Variants in PCBP3 observed in about 807,000 individuals in gnomAD.
PCBP3 encodes the protein poly(rC) binding protein 3.
PCBP3 carries 25 observed loss-of-function variants against 52.7 expected under a neutral mutation model. The observed-to-expected ratio is 0.47, with a 90% CI of 0.35 to 0.66. The LOEUF is 0.66. Ranked by LOEUF, PCBP3 falls within the 30% of genes least tolerant of loss-of-function variation. PCBP3 has a pLI of 0.01. For missense variants in PCBP3, 391 were observed against 490.3 expected (o/e 0.80, Z 1.91); for synonymous variants, 162 against 183.0 (o/e 0.89, Z 0.93).
chr21:45,768,633 AG>A (rs2145735647), intron 4 of PCBP3, among the ~76,000 whole-genome samples: 1 of 152,336 alleles, frequency 6.6e-6, no homozygotes, highest in African/African-American at 2.4e-5. Flanking sequence ...TGTTGAGCAA[AG>A]GAAACACTGA....
chr21:45,795,613 C>T (rs2091886347), intron 4 of PCBP3, among the ~76,000 whole-genome samples: 1 of 152,026 alleles, frequency 6.6e-6, no homozygotes, highest in African/African-American at 2.4e-5. Context: ...AAGCAATTCT[C>T]AGAAGAAAAT....
chr21:45,676,696 G>A (rs922270698), intron 2 of PCBP3, among the ~76,000 whole-genome samples: 3 of 152,026 alleles, frequency 2.0e-5, no homozygotes, highest in Non-Finnish European at 4.4e-5. Flanking sequence ...TATTGAAATT[G>A]GGCCAATTAA....
intron 2 of PCBP3, among the ~76,000 whole-genome samples, chr21:45,700,501 C>G (rs1603285885): frequency 1.3e-5 from 2 of 152,150 alleles, no homozygotes; most frequent in East Asian, 3.9e-4. Context: ...CACAGCACCC[C>G]CTGTACTGTG....
chr21:45,872,078 TC>T (rs1302650291), intron 5 of PCBP3: 1 of 152,130 alleles, frequency 6.6e-6, no homozygotes, highest in African/African-American at 2.4e-5. Context: ...TCCAACATGC[TC>T]CGCCTGGGCA....
Position 45,917,850 on chromosome 21 carries a change from C to T in PCBP3, c.717+221C>T, listed in dbSNP as rs989027013. The T allele has an allele frequency of 1.7e-5, 10 of 583,324 alleles. No homozygotes were observed. Among genetic ancestry groups the T allele is most frequent in the Middle Eastern group, 3.6e-4 (1 of 2,766 alleles). 36.1% of individuals were successfully genotyped at this position (583,324 alleles called of 1,614,324 possible). ...AGGACTTGGCCTGATGTCAAATTGT[C>T]TCAATTCTGCCGCAGTCCTGGGTTT... On this transcript the variant is annotated intron_variant, in intron 13 of 17. Transcript: ENST00000681687. The surrounding 1 kb of genome is among the most constrained non-coding windows in gnomAD (Gnocchi z 5.3).
At chr21:45,746,238 C>T (rs2086860002) in intron 3 of PCBP3, among the ~76,000 whole-genome samples, 1 of 78,228 alleles carries the variant, frequency 1.3e-5, no homozygotes. Context: ...TCAGCATCGC[C>T]GTGTCAGTCC....
chr21:45,871,903 A>T (rs1285215660), intron 5 of PCBP3: 2 of 152,158 alleles, frequency 1.3e-5, no homozygotes, highest in African/African-American at 4.8e-5. Flanking sequence ...TTCCCCTGGG[A>T]TGTGGAAGGT....
At chr21:45,745,980 ACG>A (rs2086810782) in intron 3 of PCBP3, among the ~76,000 whole-genome samples, 1 of 143,928 alleles carries the variant, frequency 6.9e-6, no homozygotes, top group Non-Finnish European at 1.5e-5. Flanking sequence ...CAGTCCATTG[ACG>A]TAGCGCACAC....
chr21:45,819,086 C>G (rs1190188328), intron 4 of PCBP3, among the ~76,000 whole-genome samples: 10 of 152,174 alleles, frequency 6.6e-5, no homozygotes, highest in Admixed American at 6.5e-4. Context: ...ATGGTGGATG[C>G]GTGTCATTAC....
chr21:45,752,159 A>T (rs1019437300), intron 3 of PCBP3, among the ~76,000 whole-genome samples: 1 of 152,046 alleles, frequency 6.6e-6, no homozygotes, highest in Non-Finnish European at 1.5e-5. Flanking sequence ...CTAGATTTTT[A>T]ATTCACAATT....
chr21:45,676,365 GA>G (rs2081461461), intron 2 of PCBP3, among the ~76,000 whole-genome samples: 2 of 127,424 alleles, frequency 1.6e-5, no homozygotes, highest in South Asian at 4.8e-4. Context: ...GCACTTTACA[GA>G]ATTTTTTTTT....
Position 45,712,792 on chromosome 21 carries a change from T to G in PCBP3, c.-199-22600T>G, listed in dbSNP as rs575617305. Among the ~76,000 whole-genome samples, 306 of 152,188 alleles carry G rather than the reference T, an allele frequency of 2.0e-3. 3 individuals are homozygous for G. Among genetic ancestry groups the G allele is most frequent in the Non-Finnish European group, 3.0e-3 (205 of 67,994 alleles). On this transcript the variant is annotated intron_variant, in intron 2 of 17. Transcript: ENST00000681687. ...ATCATGGCTCACTGCAGCCTTTGAC[T>G]TCCTGGACTGAAGTGATCCCCCTGC...
intron 4 of PCBP3, among the ~76,000 whole-genome samples, chr21:45,803,923 C>T (rs2146823192): frequency 6.6e-6 from 1 of 152,328 alleles, no homozygotes; most frequent in East Asian, 1.9e-4. Context: ...TGTGCTGTAT[C>T]TCACTTGTGC....
chr21:45,930,592 G>A (rs2076051116), intron 14 of PCBP3, among the ~76,000 whole-genome samples, 194 bp from the exon 15 acceptor site: 1 of 152,168 alleles, frequency 6.6e-6, no homozygotes, highest in Non-Finnish European at 1.5e-5. Context: ...CATGCCTGTG[G>A]ACAACCCCCC....
intron 5 of PCBP3, among the ~76,000 whole-genome samples, chr21:45,868,362 G>C (rs1228071088): frequency 6.6e-6 from 1 of 151,136 alleles, no homozygotes. Flanking sequence ...CTGCGCCGCC[G>C]AATCTCAGCC....
chr21:45,921,743 C>T (rs982752375), intron 13 of PCBP3, among the ~76,000 whole-genome samples: 7 of 152,052 alleles, frequency 4.6e-5, no homozygotes, highest in East Asian at 1.9e-4. Context: ...TGCCTGAGCC[C>T]GGGAGGTGGA....
intron 4 of PCBP3, among the ~76,000 whole-genome samples, chr21:45,780,785 G>T (rs1385687256): frequency 2.0e-5 from 3 of 152,338 alleles, no homozygotes; most frequent in Middle Eastern, 6.8e-3. Flanking sequence ...CAACCAGCAG[G>T]TGGGGAGCAA....
chr21:45,800,057 C>T lies in PCBP3; in HGVS notation c.-126+44605C>T, dbSNP rs980024807. The stretch of plus-strand genomic sequence containing the variant: ...GCTTGTTCTCTCACTGTGAGAACCA[C>T]CCAGTGATGGTTCTTGTGCTGTTCT... On this transcript the variant is annotated intron_variant, in intron 4 of 17. Transcript: ENST00000681687. The surrounding 1 kb of genome is among the most constrained non-coding windows in gnomAD (Gnocchi z 5.3). Among the ~76,000 whole-genome samples, 1 of 152,172 alleles carries T rather than the reference C, an allele frequency of 6.6e-6. No homozygotes were observed. The highest frequency in any genetic ancestry group is 2.4e-5 in the African/African-American group (1 of 41,450).
chr21:45,679,098 T>TTC, intron 2 of PCBP3, among the ~76,000 whole-genome samples: 1 of 151,704 alleles, frequency 6.6e-6, no homozygotes, highest in African/African-American at 2.4e-5. Context: ...TTTTTTTTTT[T>TTC]TTAGCAATAA....
Sources: allele counts gnomAD v4.1 joint callset (sites outside exome capture counted in the v4.1 genomes callset), GRCh38; gene constraint gnomAD v4.1.1; non-coding constraint Gnocchi (gnomAD v3.1); transcripts MANE v1.5; gene names NCBI Gene and HGNC (gene_info 2026-07-23, HGNC 2026-07-21).